Variants in MGAT4C observed in about 807,000 individuals in gnomAD.
MGAT4C encodes MGAT4 family member C.
A neutral mutation model predicts 40.1 loss-of-function variants in MGAT4C; 19 were observed. The ratio of observed to expected loss-of-function variants is 0.47; its 90% confidence interval spans 0.33 to 0.70. MGAT4C has a LOEUF of 0.70. Ranked by LOEUF, MGAT4C falls within the 30% of genes least tolerant of loss-of-function variation. The probability of loss-of-function intolerance (pLI) is 0.02; values close to 1 mark genes in which losing one functional copy is unlikely to be tolerated. For missense variants in MGAT4C, 491 were observed against 563.2 expected (o/e 0.87, Z 1.30); for synonymous variants, 181 against 187.1 (o/e 0.97, Z 0.27).
chr12:86,034,630 G>T (rs1246711016), intron 2 of MGAT4C, among the ~76,000 whole-genome samples: 1 of 148,404 alleles, frequency 6.7e-6, no homozygotes, highest in Non-Finnish European at 1.5e-5. Flanking sequence ...TGCAGAAAGT[G>T]CAGGTTCATT....
At chr12:86,397,999 A>G (rs1484919093) in intron 3 of MGAT4C, among the ~76,000 whole-genome samples, 2 of 152,190 alleles carry the variant, frequency 1.3e-5, no homozygotes, top group Non-Finnish European at 2.9e-5. Context: ...AGTTTTTAGC[A>G]TCAGAATATT....
chr12:86,745,909 T>A (rs1951145404), intron 1 of MGAT4C, among the ~76,000 whole-genome samples: 1 of 151,614 alleles, frequency 6.6e-6, no homozygotes, highest in Admixed American at 6.6e-5. Context: ...TTTCAGGCAT[T>A]TGTTTTAATG....
rs535716528 is a variant in MGAT4C, at chr12:86,676,019, A to G, written c.-229+51190T>C. Among the ~76,000 whole-genome samples the G allele has an allele frequency of 3.9e-4, 60 of 152,250 alleles. 2 individuals carry two copies. Among genetic ancestry groups the G allele is most frequent in the African/African-American group, 1.4e-3 (59 of 41,554 alleles). ...CAATGAAGTTTATAAATAAATACGAAAAAATTAACCACTGAACAGACAGTT... is the reference window on the plus strand; with the variant it reads ...CAATGAAGTTTATAAATAAATACGAGAAAATTAACCACTGAACAGACAGTT... On this transcript the variant is annotated intron_variant, in intron 2 of 7. Transcript: ENST00000548651.
rs373678009 is a variant in MGAT4C, at chr12:86,270,090, A to C, written c.-57+63975T>G. On this transcript the variant is annotated intron_variant, in intron 4 of 7. Transcript: ENST00000548651. ...TTTTGTTTTGTTTTTCTTTTGAGAC[A>C]GAGTCTCACTCTGTCCTCCAGGCTG... is the stretch of plus-strand genomic sequence containing the variant. Among the ~76,000 whole-genome samples, 52 of 152,062 alleles carry C rather than the reference A, an allele frequency of 3.4e-4. No homozygotes were observed. The East Asian group carries it at 5.1e-3, about 15-fold the overall frequency.
intron 1 of MGAT4C, among the ~76,000 whole-genome samples, chr12:86,156,283 T>A (rs1884917990): frequency 6.6e-6 from 1 of 152,064 alleles, no homozygotes; most frequent in South Asian, 2.1e-4. Context: ...AATCTGAGAG[T>A]CACTGACATG....
chr12:86,117,911 G>T (rs1390280664), intron 1 of MGAT4C, among the ~76,000 whole-genome samples: 1 of 152,160 alleles, frequency 6.6e-6, no homozygotes. Flanking sequence ...AATGGGTCAT[G>T]ATGTTCCTAG....
intron 1 of MGAT4C, among the ~76,000 whole-genome samples, chr12:86,150,237 C>T (rs1477524129): frequency 2.6e-5 from 4 of 152,148 alleles, no homozygotes; most frequent in African/African-American, 9.7e-5. Context: ...GCTCATTCAC[C>T]CTCCACTCAC....
intron 1 of MGAT4C, among the ~76,000 whole-genome samples, chr12:86,759,193 T>A (rs558571583): frequency 2.3e-4 from 35 of 152,244 alleles, no homozygotes; most frequent in African/African-American, 8.2e-4. Context: ...TCAGCTTCAT[T>A]CATGATGCTG....
At chr12:86,780,688 G>T (rs755209306) in intron 1 of MGAT4C, among the ~76,000 whole-genome samples, 1 of 152,148 alleles carries the variant, frequency 6.6e-6, no homozygotes. Flanking sequence ...AAATTACCCA[G>T]TCTCAGATAG....
intron 1 of MGAT4C, among the ~76,000 whole-genome samples, chr12:86,778,251 A>C (rs1479229138): frequency 1.3e-5 from 2 of 152,188 alleles, no homozygotes; most frequent in African/African-American, 4.8e-5. Context: ...TCTTCATTCA[A>C]GTGTGTGGAG....
chr12:86,652,144 T>C (rs1248851785), intron 2 of MGAT4C, among the ~76,000 whole-genome samples: 1 of 151,888 alleles, frequency 6.6e-6, no homozygotes, highest in African/African-American at 2.4e-5. Context: ...GAACATTATC[T>C]TTCAAACTTG....
At position 86,539,108 on chromosome 12, in the gene MGAT4C, T is replaced by C. The variant is rs568346613; in HGVS notation, c.-228-103843A>G. Among the ~76,000 whole-genome samples, 5 of 152,130 alleles carry C rather than the reference T, an allele frequency of 3.3e-5. No individual in the cohort carries two copies. The East Asian group carries it at 5.8e-4, about 18-fold the overall frequency. On this transcript the variant is annotated intron_variant, in intron 2 of 7. Transcript: ENST00000548651. ...GTTACATATGTATACATGTGCCATG[T>C]TGGTGTGCTGCACCCATTAACTCAT...
At chr12:86,240,105 TAATA>T (rs1175074430) in intron 1 of MGAT4C, among the ~76,000 whole-genome samples, 3 of 151,428 alleles carry the variant, frequency 2.0e-5, no homozygotes, top group East Asian at 3.9e-4. Context: ...AGAAAGCAAT[TAATA>T]AATATATTTG....
intron 1 of MGAT4C, among the ~76,000 whole-genome samples, chr12:86,054,049 G>GA (rs377355975): frequency 6.6e-6 from 1 of 151,592 alleles, no homozygotes; most frequent in Admixed American, 6.6e-5. Context: ...CTCAAAAATT[G>GA]AAAAAAAGAA....
chr12:86,258,950 T>G (rs1279122865), upstream of MGAT4C, among the ~76,000 whole-genome samples: 1 of 151,944 alleles, frequency 6.6e-6, no homozygotes, highest in Non-Finnish European at 1.5e-5. Context: ...CAACTTCAAA[T>G]TTTGTATTTA....
At chr12:86,344,720 GT>G (rs1441880958) in intron 3 of MGAT4C, among the ~76,000 whole-genome samples, 18 of 62,682 alleles carry the variant, frequency 2.9e-4, no homozygotes, top group African/African-American at 8.9e-5. Context: ...TCTTCTCGGT[GT>G]GTGTGTGTGT....
intron 1 of MGAT4C, among the ~76,000 whole-genome samples, chr12:86,231,371 T>C (rs1335236123): frequency 6.6e-6 from 1 of 152,184 alleles, no homozygotes; most frequent in African/African-American, 2.4e-5. Context: ...CCCCTACTTA[T>C]TATATTTGTG....
At chr12:86,436,800 T>C (rs10858428) in intron 2 of MGAT4C, among the ~76,000 whole-genome samples, 1 of 151,418 alleles carries the variant, frequency 6.6e-6, no homozygotes, top group South Asian at 2.1e-4. Flanking sequence ...TTCGGAGCTG[T>C]GATACATTGA....
chr12:86,311,582 CTGGCTTCATGGGTA>C (rs146992832), intron 4 of MGAT4C, among the ~76,000 whole-genome samples: 20 of 152,282 alleles, frequency 1.3e-4, no homozygotes, highest in Non-Finnish European at 2.9e-4. Context: ...GCACACAGAG[CTGGCTTCATGGGTA>C]TGGCATCACT....
Sources: gnomAD v4.1 joint callset for allele counts (sites outside exome capture counted in the v4.1 genomes callset) on GRCh38, gnomAD v4.1.1 for gene constraint, MANE v1.5 for transcripts, NCBI Gene and HGNC (gene_info 2026-07-23, HGNC 2026-07-21) for gene names.